Variants in SRD5A2 observed in about 807,000 individuals in gnomAD.
SRD5A2 encodes steroid 5 alpha-reductase 2.
Under a neutral mutation model 27.4 loss-of-function variants are expected in SRD5A2, and 30 were observed. The observed-to-expected ratio is 1.10, with a 90% CI of 0.82 to 1.49. The LOEUF (loss-of-function observed/expected upper bound fraction) is 1.49. Among genes scored for constraint, SRD5A2 ranks in the 40% most tolerant of loss-of-function variants. SRD5A2 has a pLI of 0.00. For missense variants in SRD5A2, 348 were observed against 323.4 expected (o/e 1.08, Z -0.58); for synonymous variants, 141 against 133.6 (o/e 1.06, Z -0.38).
At chr2:31,598,548 TA>T in the SRD5A2 span, among the ~76,000 whole-genome samples, 1 of 152,100 alleles carries the variant, frequency 6.6e-6, no homozygotes, top group Non-Finnish European at 1.5e-5. Flanking sequence ...CTATTAGTTT[TA>T]TTTTTTTGCT....
At chr2:31,559,951 GTTAAGAT>G (rs911760964) in intron 1 of SRD5A2, among the ~76,000 whole-genome samples, 2 of 151,170 alleles carry the variant, frequency 1.3e-5, no homozygotes, top group African/African-American at 4.9e-5. Flanking sequence ...TCCAGGAACT[GTTAAGAT>G]TTAAGTAGAA....
At chr2:31,594,706 G>A in the SRD5A2 span, among the ~76,000 whole-genome samples, 2 of 151,998 alleles carry the variant, frequency 1.3e-5, no homozygotes, top group East Asian at 3.9e-4. Context: ...ATAACAAATG[G>A]ACTTAACAGG....
At chr2:31,637,569 A>G in the SRD5A2 span, among the ~76,000 whole-genome samples, 1 of 152,048 alleles carries the variant, frequency 6.6e-6, no homozygotes, top group African/African-American at 2.4e-5. Context: ...TTAGTATATA[A>G]TTAGTAGTAG....
At chr2:31,631,671 A>T in the SRD5A2 span, among the ~76,000 whole-genome samples, 1 of 152,168 alleles carries the variant, frequency 6.6e-6, no homozygotes, top group African/African-American at 2.4e-5. Flanking sequence ...TGACATGGAG[A>T]GATATAATGT....
chr2:31,529,019 T>G, intron 4 of SRD5A2, among the ~76,000 whole-genome samples: 1 of 152,232 alleles, frequency 6.6e-6, no homozygotes, highest in East Asian at 1.9e-4. Flanking sequence ...GACAGCCTTC[T>G]TCAACAAGAC....
At chr2:31,611,078 T>A in the SRD5A2 span, among the ~76,000 whole-genome samples, 8 of 152,128 alleles carry the variant, frequency 5.3e-5, 1 homozygote, top group East Asian at 1.5e-3. Context: ...CATTGCACTC[T>A]AGCCTAGGTG....
chr2:31,624,919 C>G, the SRD5A2 span, among the ~76,000 whole-genome samples: 14 of 152,214 alleles, frequency 9.2e-5, no homozygotes, highest in East Asian at 2.7e-3. Context: ...GTTCTAGATC[C>G]TTGAGGAATC....
In SRD5A2 at chr2:31,546,278, A is replaced by G. The variant is rs551733819; in HGVS notation, c.282-12512T>C. Among the ~76,000 whole-genome samples the G allele has an allele frequency of 2.0e-5, 3 of 152,304 alleles. No individual in the cohort carries two copies. The South Asian group carries it at 6.2e-4, about 32-fold the overall frequency. On this transcript the variant is annotated intron_variant, in intron 1 of 4. Coordinates refer to ENST00000622030, the MANE Select transcript of SRD5A2 (RefSeq NM_000348.4). Reference sequence around the variant, plus strand: ...TTTTGAAAAAGGAGAAAAAATATTGAGGACTCTCATTTCCTGATTTCAAAT... The same window carrying G: ...TTTTGAAAAAGGAGAAAAAATATTGGGGACTCTCATTTCCTGATTTCAAAT...
At chr2:31,547,027 G>A (rs1192623848) in intron 1 of SRD5A2, among the ~76,000 whole-genome samples, 1 of 152,140 alleles carries the variant, frequency 6.6e-6, no homozygotes, top group African/African-American at 2.4e-5. Context: ...GAACCTGGGA[G>A]GCAGAGGTTG....
intron 1 of SRD5A2, among the ~76,000 whole-genome samples, chr2:31,566,463 G>T (rs1446585602): frequency 6.6e-6 from 1 of 152,052 alleles, no homozygotes; most frequent in Non-Finnish European, 1.5e-5. Flanking sequence ...TAGTCAAAAA[G>T]ATCTGGAAAA....
the SRD5A2 span, among the ~76,000 whole-genome samples, chr2:31,638,848 C>A: frequency 6.6e-6 from 1 of 151,364 alleles, no homozygotes; most frequent in Non-Finnish European, 1.5e-5. Context: ...ATAATTGGGT[C>A]TTGCTTTTTT....
intron 1 of SRD5A2, among the ~76,000 whole-genome samples, chr2:31,540,924 G>C (rs1019760322): frequency 6.6e-6 from 1 of 152,198 alleles, no homozygotes; most frequent in African/African-American, 2.4e-5. Context: ...GAGAGGTACA[G>C]ACAAAGAGGT....
upstream of SRD5A2, among the ~76,000 whole-genome samples, chr2:31,584,286 CA>C (rs1667141028): frequency 6.6e-6 from 1 of 152,170 alleles, no homozygotes; most frequent in Non-Finnish European, 1.5e-5. Flanking sequence ...ATCTTCTTAA[CA>C]AAACATAAAA....
chr2:31,559,836 C>CCA (rs1553326924), intron 1 of SRD5A2, among the ~76,000 whole-genome samples: 4 of 63,716 alleles, frequency 6.3e-5, no homozygotes, highest in African/African-American at 1.4e-4. Flanking sequence ...GTAAACAAAC[C>CCA]CACACACACA....
At chr2:31,614,650 C>T in the SRD5A2 span, among the ~76,000 whole-genome samples, 1 of 152,216 alleles carries the variant, frequency 6.6e-6, no homozygotes, top group African/African-American at 2.4e-5. Flanking sequence ...CCACACTGCC[C>T]TAGCAGAGAT....
At chr2:31,615,881 T>C in the SRD5A2 span, among the ~76,000 whole-genome samples, 52 of 152,292 alleles carry the variant, frequency 3.4e-4, 1 homozygote, top group East Asian at 9.9e-3. Context: ...AGGGACTTGG[T>C]GTCCTGCATC....
chr2:31,590,097 G>A, the SRD5A2 span, among the ~76,000 whole-genome samples: 1 of 152,106 alleles, frequency 6.6e-6, no homozygotes, highest in African/African-American at 2.4e-5. Context: ...GTCCTCCACA[G>A]TGGCTGCAGC....
chr2:31,619,312 T>C, the SRD5A2 span, among the ~76,000 whole-genome samples: 4 of 152,194 alleles, frequency 2.6e-5, no homozygotes, highest in African/African-American at 9.6e-5. Context: ...TCTAAGTATG[T>C]ACCACATTTT....
At chr2:31,552,775 G>T (rs1014087178) in intron 1 of SRD5A2, among the ~76,000 whole-genome samples, 1 of 152,126 alleles carries the variant, frequency 6.6e-6, no homozygotes, top group African/African-American at 2.4e-5. Flanking sequence ...AATTGATGAA[G>T]GTCTTTAACT....
Sources: gnomAD v4.1 joint callset for allele counts (sites outside exome capture counted in the v4.1 genomes callset) on GRCh38, gnomAD v4.1.1 for gene constraint, MANE v1.5 for transcripts, NCBI Gene and HGNC (gene_info 2026-07-23, HGNC 2026-07-21) for gene names.